The following ARMH3 variants were observed in gnomAD, a reference collection of about 807,000 sequenced individuals.
ARMH3 encodes armadillo like helical domain containing 3.
ARMH3 carries 60 observed loss-of-function variants against 99.1 expected under a neutral mutation model. That is an observed-to-expected ratio of 0.61 (90% CI 0.49 to 0.75). The LOEUF (loss-of-function observed/expected upper bound fraction) is 0.75. Ranked by LOEUF, ARMH3 falls within the 30% of genes least tolerant of loss-of-function variation. The pLI is 0.00. For missense variants in ARMH3, 679 were observed against 843.1 expected, an observed-to-expected ratio of 0.81 and a Z score of 2.41; for synonymous variants, 285 against 292.8, an observed-to-expected ratio of 0.97 and a Z score of 0.27.
intron 22 of ARMH3, among the ~76,000 whole-genome samples, chr10:101,944,582 G>C (rs1299211728): frequency 1.3e-5 from 2 of 152,114 alleles, no homozygotes; most frequent in Non-Finnish European, 2.9e-5. Context: ...GGGAGGCTGA[G>C]GCGGGTGGAT....
chr10:101,889,744 A>AT, intron 23 of ARMH3: 1 of 417,124 alleles, frequency 2.4e-6, no homozygotes, highest in East Asian at 4.0e-5. Context: ...AACGGAAAAA[A>AT]CCCAAAGCCA....
chr10:102,035,286 A>T (rs1222084382), intron 2 of ARMH3, among the ~76,000 whole-genome samples: 2 of 152,002 alleles, frequency 1.3e-5, no homozygotes, highest in Non-Finnish European at 2.9e-5. Flanking sequence ...AATGGCTTGA[A>T]CCCGGGAGGT....
At chr10:101,862,514 T>A (rs1032698754) in intron 24 of ARMH3, among the ~76,000 whole-genome samples, 1 of 150,972 alleles carries the variant, frequency 6.6e-6, no homozygotes, top group African/African-American at 2.4e-5. Flanking sequence ...GAGGGGGAGG[T>A]TGTAGTGAGC....
rs940411239 is a variant in ARMH3 at position 101,889,268 on chromosome 10, C to A, written c.1860+144G>T. ...CACTCTGTATTAAAAGTACTATCAA[C>A]CAACCCCACACTAATTCCTCTCAGC... On this transcript the variant is annotated intron_variant, in intron 24 of 25. Transcript: ENST00000370033. 14 of 806,310 alleles carry A rather than the reference C, an allele frequency of 1.7e-5. No homozygotes were observed. The African/African-American group carries it at 1.9e-4, about 11-fold the overall frequency. The allele number at this position is 806,310 out of a possible 1,614,324, so 49.9% of individuals were successfully genotyped here.
In ARMH3 at chr10:102,025,222, C is replaced by T. The variant is rs1159713678; in HGVS notation, c.441G>A (p.Leu147=). 6.2e-7 allele frequency: 1 copy of T among 1,613,880 alleles called. No homozygotes were observed. Among genetic ancestry groups the T allele is most frequent in the Admixed American group, 1.7e-5 (1 of 60,006 alleles). The change falls in exon 6 of 26, where the codon TTG becomes TTA. Residue 147 remains leucine (L), a synonymous_variant. Coordinates refer to ENST00000370033, the MANE Select transcript of ARMH3 (RefSeq NM_024541.3). Reference sequence around the variant, plus strand: ...GACTTTCAGAACCTTCTGCACAAAGCAATGAATCCAAACTCTCCATCAAGT... The same window carrying T: ...GACTTTCAGAACCTTCTGCACAAAGTAATGAATCCAAACTCTCCATCAAGT... ...MKNLMESLDS[L]LCAEGSESLK...
intron 15 of ARMH3, among the ~76,000 whole-genome samples, chr10:102,001,732 A>C (rs1194413050): frequency 6.6e-6 from 1 of 152,092 alleles, no homozygotes; most frequent in Non-Finnish European, 1.5e-5. Context: ...TTTCAAAGAG[A>C]CCAATTTTTT....
chr10:102,020,127 G>T (rs557922059), intron 8 of ARMH3, among the ~76,000 whole-genome samples: 2 of 152,034 alleles, frequency 1.3e-5, no homozygotes, highest in East Asian at 3.9e-4. Flanking sequence ...GAGTTAAAAA[G>T]CTTTAAAAAA....
chr10:102,023,518 C>A lies in ARMH3; in HGVS notation c.628G>T (p.Val210Phe). ...PSRREHGYDA[V>F]VLLALLVNYR... ...TTCACCAGCAAAGCCAAGAGGACGACAGCATCATACCCATGCTCCCTACGA... is the reference window on the plus strand; with the variant it reads ...TTCACCAGCAAAGCCAAGAGGACGAAAGCATCATACCCATGCTCCCTACGA... The change falls in exon 8 of 26, where the codon GTC (valine) becomes TTC (phenylalanine). Residue 210 changes from valine to phenylalanine, a missense_variant. Transcript: ENST00000370033. The A allele has an allele frequency of 6.2e-7, 1 of 1,614,138 alleles. No individual in the cohort carries two copies. Among genetic ancestry groups the A allele is most frequent in the Non-Finnish European group, 8.5e-7 (1 of 1,180,030 alleles).
At chr10:101,931,861 T>C (rs1484740553) in intron 23 of ARMH3, among the ~76,000 whole-genome samples, 1 of 152,234 alleles carries the variant, frequency 6.6e-6, no homozygotes, top group African/African-American at 2.4e-5. Context: ...CAATGATTTC[T>C]TGGATGTGAT....
At chr10:101,908,861 C>T (rs1354276244) in intron 23 of ARMH3, among the ~76,000 whole-genome samples, 1 of 151,768 alleles carries the variant, frequency 6.6e-6, no homozygotes, top group Non-Finnish European at 1.5e-5. Context: ...AGGGGTTTCA[C>T]TGCATTGCCC....
At chr10:101,892,176 G>A (rs2067708855) in intron 23 of ARMH3, among the ~76,000 whole-genome samples, 1 of 151,998 alleles carries the variant, frequency 6.6e-6, no homozygotes, top group Non-Finnish European at 1.5e-5. Context: ...TGGGTGCAGT[G>A]GCTCACAACT....
intron 1 of ARMH3, among the ~76,000 whole-genome samples, chr10:102,041,108 T>TAC (rs2067412665): frequency 6.9e-6 from 1 of 145,636 alleles, no homozygotes; most frequent in South Asian, 2.1e-4. Context: ...TATATATATA[T>TAC]ATATGTAGGT....
At position 101,899,386 on chromosome 10, in the gene ARMH3, G is replaced by A. The variant is rs144408556; in HGVS notation, c.1782-9896C>T. Reference sequence around the variant, plus strand: ...GTAAAATACTGGCTTTTGAGAAGGGGTAAAGGTATGACTGAGTGTATGTGG... The same window carrying A: ...GTAAAATACTGGCTTTTGAGAAGGGATAAAGGTATGACTGAGTGTATGTGG... On this transcript the variant is annotated intron_variant, in intron 23 of 25. Transcript: ENST00000370033. Among the ~76,000 whole-genome samples the A allele has an allele frequency of 8.5e-4, 130 of 152,330 alleles. 1 individual carries two copies. Among genetic ancestry groups the A allele is most frequent in the Admixed American group, 1.6e-3 (24 of 15,306 alleles).
chr10:101,893,690 G>C (rs1159895820), intron 23 of ARMH3, among the ~76,000 whole-genome samples: 5 of 151,854 alleles, frequency 3.3e-5, no homozygotes, highest in Non-Finnish European at 7.4e-5. Flanking sequence ...GAGAGAGGAA[G>C]AAGAGAGGGA....
intron 23 of ARMH3, among the ~76,000 whole-genome samples, chr10:101,935,738 G>C (rs980349099): frequency 1.3e-5 from 2 of 152,216 alleles, no homozygotes; most frequent in Non-Finnish European, 2.9e-5. Flanking sequence ...GTGGCTAAGA[G>C]TTTGTTCACT....
At chr10:101,985,402 GTA>G (rs1846454538) in intron 19 of ARMH3, among the ~76,000 whole-genome samples, 3 of 151,096 alleles carry the variant, frequency 2.0e-5, no homozygotes, top group African/African-American at 7.3e-5. Context: ...ACATACATGT[GTA>G]TATGTGTGTG....
chr10:102,036,885 AAG>A (rs2067290838), intron 2 of ARMH3, among the ~76,000 whole-genome samples: 1 of 150,936 alleles, frequency 6.6e-6, no homozygotes, highest in African/African-American at 2.4e-5. Flanking sequence ...AAAAAAAAGA[AAG>A]AAAACAAAAC....
intron 14 of ARMH3, 116 bp downstream of exon 14, chr10:102,006,424 C>G: frequency 1.7e-6 from 2 of 1,176,082 alleles, no homozygotes; most frequent in Middle Eastern, 2.6e-4. Flanking sequence ...GTACTACAGA[C>G]CAATTTAGTG....
intron 24 of ARMH3, among the ~76,000 whole-genome samples, chr10:101,873,204 C>T (rs555005411): frequency 7.0e-4 from 106 of 151,096 alleles, no homozygotes; most frequent in African/African-American, 2.5e-3. Flanking sequence ...GAGTTCAAGA[C>T]CAGCCTGACC....
Sources: allele counts gnomAD v4.1 joint callset (sites outside exome capture counted in the v4.1 genomes callset), GRCh38; gene constraint gnomAD v4.1.1; transcripts MANE v1.5; gene names NCBI Gene and HGNC (gene_info 2026-07-23, HGNC 2026-07-21).